MACO1: variants seen among roughly 807,000 people sequenced by gnomAD.
MACO1 encodes macoilin 1.
MACO1 carries 14 observed loss-of-function variants against 78.7 expected under a neutral mutation model. That is an observed-to-expected ratio of 0.18 (90% CI 0.12 to 0.28). The LOEUF is 0.28. Ranked by LOEUF, MACO1 falls within the 10% of genes least tolerant of loss-of-function variation. The probability of loss-of-function intolerance (pLI) is 1.00; values close to 1 mark genes in which losing one functional copy is unlikely to be tolerated. For missense variants in MACO1, 501 were observed against 799.0 expected (o/e 0.63, Z 4.50); for synonymous variants, 288 against 291.6 (o/e 0.99, Z 0.12).
At chr1:25,455,691 T>TTATATCGG in intron 4 of MACO1, among the ~76,000 whole-genome samples, 1 of 152,324 alleles carries the variant, frequency 6.6e-6, no homozygotes, top group Non-Finnish European at 1.5e-5. Context: ...AATTTGGTGA[T>TTATATCGG]ACAAACCAAA....
intron 6 of MACO1, among the ~76,000 whole-genome samples, chr1:25,471,055 AG>A (rs926568679): frequency 5.3e-5 from 8 of 149,742 alleles, no homozygotes; most frequent in Non-Finnish European, 1.0e-4. Flanking sequence ...ATATATGGGT[AG>A]GGCCGGGTAC....
chr1:25,459,252 C>T lies in MACO1; in HGVS notation c.1154+360C>T, dbSNP rs568301583. 4.0e-5 allele frequency among the ~76,000 whole-genome samples: 6 copies of T among 151,636 alleles called. No individual in the cohort carries two copies. In the South Asian group the frequency reaches 6.2e-4, roughly 16 times the overall value. The stretch of plus-strand genomic sequence containing the variant: ...AAAGAAGAGTTTGTGCTTGTTCACG[C>T]AAATCTCTGTCAAACAGATATACAT... On this transcript the variant is annotated intron_variant, in intron 6 of 10. Transcript: ENST00000374343.
chr1:25,469,491 T>A (rs1191638940), intron 6 of MACO1, among the ~76,000 whole-genome samples: 1 of 152,206 alleles, frequency 6.6e-6, no homozygotes, highest in Non-Finnish European at 1.5e-5. Flanking sequence ...TTAAAAACGA[T>A]CAGCTTTCCT....
intron 1 of MACO1, among the ~76,000 whole-genome samples, chr1:25,442,706 A>G (rs771369684): frequency 4.7e-5 from 5 of 106,934 alleles, no homozygotes; most frequent in African/African-American, 8.9e-5. Context: ...AAAGGTAGGA[A>G]TAGAATGGGG....
chr1:25,496,491 C>T (rs1010093001), intron 10 of MACO1, among the ~76,000 whole-genome samples: 1 of 152,150 alleles, frequency 6.6e-6, no homozygotes, highest in African/African-American at 2.4e-5. Context: ...GTTCTAAGTG[C>T]TTTTACATAT....
chr1:25,497,299 G>A (rs1329391489), intron 10 of MACO1, among the ~76,000 whole-genome samples: 2 of 150,954 alleles, frequency 1.3e-5, no homozygotes, highest in African/African-American at 4.9e-5. Flanking sequence ...AGAATCGCTT[G>A]AACCCGGGAG....
chr1:25,477,696 A>G (rs569349631), intron 6 of MACO1, among the ~76,000 whole-genome samples: 8 of 152,186 alleles, frequency 5.3e-5, no homozygotes, highest in Non-Finnish European at 1.2e-4. Context: ...TTCCTGGGGA[A>G]ATTTACTGCC....
intron 9 of MACO1, among the ~76,000 whole-genome samples, chr1:25,490,290 T>C (rs1310125237): frequency 1.3e-5 from 2 of 152,194 alleles, no homozygotes; most frequent in African/African-American, 4.8e-5. Flanking sequence ...AGCTCATATA[T>C]ATAGCAAAAT....
At chr1:25,459,034 G>A (rs2043148619) in intron 6 of MACO1, 142 bp downstream of exon 6, 3 of 1,055,562 alleles carry the variant, frequency 2.8e-6, no homozygotes, top group Non-Finnish European at 4.1e-6. Context: ...GAGTTTGTTG[G>A]CCACCTTGTG....
intron 6 of MACO1, among the ~76,000 whole-genome samples, chr1:25,471,360 G>T (rs1176706100): frequency 1.3e-5 from 2 of 150,846 alleles, no homozygotes; most frequent in East Asian, 3.9e-4. Context: ...AAAAAAGAAA[G>T]AAAGAAAAAT....
intron 6 of MACO1, among the ~76,000 whole-genome samples, chr1:25,468,586 C>T (rs2043239074): frequency 1.3e-5 from 2 of 152,310 alleles, no homozygotes; most frequent in East Asian, 1.9e-4. Context: ...ATATTGAATA[C>T]TCACTCTTTT....
At chr1:25,489,128 A>T in intron 8 of MACO1, 45 bp from the exon 9 acceptor site, 1 of 1,592,096 alleles carries the variant, frequency 6.3e-7, no homozygotes, top group East Asian at 2.3e-5. Context: ...GCCCCAACCT[A>T]TAGTCTTTTA....
At chr1:25,490,979 G>A (rs2043480811) in intron 9 of MACO1, among the ~76,000 whole-genome samples, 1 of 152,008 alleles carries the variant, frequency 6.6e-6, no homozygotes, top group Non-Finnish European at 1.5e-5. Context: ...TATATTAATT[G>A]TTTACATTAA....
intron 6 of MACO1, among the ~76,000 whole-genome samples, chr1:25,473,347 T>C (rs1397937155): frequency 6.6e-6 from 1 of 152,186 alleles, no homozygotes; most frequent in Non-Finnish European, 1.5e-5. Context: ...TTTTAGAAAC[T>C]AGGCATAAGT....
At chr1:25,431,275 A>G in intron 1 of MACO1, 97 bp downstream of exon 1, 1 of 805,098 alleles carries the variant, frequency 1.2e-6, no homozygotes, top group South Asian at 1.9e-5. Flanking sequence ...AGTAGGCCGC[A>G]CGCCCGCGCC....
chr1:25,465,013 A>G (rs1180498215), intron 6 of MACO1, among the ~76,000 whole-genome samples: 1 of 145,212 alleles, frequency 6.9e-6, no homozygotes, highest in African/African-American at 2.6e-5. Flanking sequence ...GGAACTTACT[A>G]TATTGCCCAA....
rs114678131 is a variant in MACO1, at chr1:25,439,256, C to T, written c.81-7506C>T. Among the ~76,000 whole-genome samples, 773 of 152,062 alleles carry T rather than the reference C, an allele frequency of 5.1e-3. 5 individuals are homozygous for T. Among genetic ancestry groups the T allele is most frequent in the Non-Finnish European group, 8.1e-3 (552 of 67,992 alleles). ...TTTTTAAAGAAAAAAAATAGCCAGG[C>T]ATGGTGGCTCTTGCCTGTCACCCTT... On this transcript the variant is annotated intron_variant, in intron 1 of 10. Transcript: ENST00000374343.
At chr1:25,495,554 C>T (rs1393157526) in intron 10 of MACO1, among the ~76,000 whole-genome samples, 1 of 152,190 alleles carries the variant, frequency 6.6e-6, no homozygotes, top group Non-Finnish European at 1.5e-5. Flanking sequence ...CCACTCCCTC[C>T]CTACAGGGTT....
At chr1:25,452,278 G>C (rs1180798610) in intron 3 of MACO1, among the ~76,000 whole-genome samples, 1 of 152,088 alleles carries the variant, frequency 6.6e-6, no homozygotes, top group Non-Finnish European at 1.5e-5. Context: ...TCCCCCTCGT[G>C]CCCATGTAGT....
Sources: gnomAD v4.1 joint callset for allele counts (sites outside exome capture counted in the v4.1 genomes callset) on GRCh38, gnomAD v4.1.1 for gene constraint, MANE v1.5 for transcripts, NCBI Gene and HGNC (gene_info 2026-07-23, HGNC 2026-07-21) for gene names.